The following KHDRBS2 variants were observed in gnomAD, a reference collection of about 807,000 sequenced individuals.
KHDRBS2 encodes KH domain-containing, RNA-binding, signal transduction-associated protein 2.
A neutral mutation model predicts 44.3 loss-of-function variants in KHDRBS2; 26 were observed. That is an observed-to-expected ratio of 0.59 (90% CI 0.43 to 0.81). The LOEUF (loss-of-function observed/expected upper bound fraction) is 0.81. Among genes scored for constraint, KHDRBS2 ranks in the 40% least tolerant of loss-of-function variants. The pLI is 0.00. For synonymous variants in KHDRBS2, 194 were observed against 151.1 expected, an observed-to-expected ratio of 1.28 and a Z score of -2.08; for missense variants, 476 against 433.1, an observed-to-expected ratio of 1.10 and a Z score of -0.88.
chr6:62,246,381 G>T (rs1480442999), intron 1 of KHDRBS2, among the ~76,000 whole-genome samples: 1 of 151,838 alleles, frequency 6.6e-6, no homozygotes, highest in East Asian at 1.9e-4. Context: ...TACTCTATAA[G>T]AAAAACATTC....
chr6:61,915,430 TA>T (rs1806816718), intron 4 of KHDRBS2, among the ~76,000 whole-genome samples: 1 of 152,042 alleles, frequency 6.6e-6, no homozygotes, highest in South Asian at 2.1e-4. Flanking sequence ...GGTGTCGCCA[TA>T]AGATCTTCTC....
At chr6:61,607,839 C>T in the KHDRBS2 span, among the ~76,000 whole-genome samples, 1 of 152,098 alleles carries the variant, frequency 6.6e-6, no homozygotes, top group Non-Finnish European at 1.5e-5. Flanking sequence ...AGCTGTGCAC[C>T]ACCACGCCTG....
intron 6 of KHDRBS2, among the ~76,000 whole-genome samples, chr6:61,870,663 G>T (rs1798531234): frequency 6.6e-6 from 1 of 152,144 alleles, no homozygotes; most frequent in Admixed American, 6.5e-5. Flanking sequence ...CTGGGACGAA[G>T]CTCCCAGAGG....
intron 2 of KHDRBS2, among the ~76,000 whole-genome samples, chr6:62,125,861 G>C (rs1808834813): frequency 6.6e-6 from 1 of 152,146 alleles, no homozygotes; most frequent in South Asian, 2.1e-4. Context: ...TATTCACCTT[G>C]GGCCTTGGGT....
chr6:61,848,491 GTATATATATATATATATA>G (rs1180750340), intron 6 of KHDRBS2, among the ~76,000 whole-genome samples: 1 of 30,482 alleles, frequency 3.3e-5, no homozygotes, highest in African/African-American at 1.6e-4. Flanking sequence ...ATATATATAT[GTATATATATATATATATA>G]TGTATATATG....
chr6:62,120,560 C>T (rs1306553973), intron 2 of KHDRBS2, among the ~76,000 whole-genome samples: 1 of 152,118 alleles, frequency 6.6e-6, no homozygotes, highest in Non-Finnish European at 1.5e-5. Flanking sequence ...CCGTAATGAA[C>T]AGAAGAGGCA....
At chr6:62,024,064 T>G (rs1444710814) in intron 3 of KHDRBS2, among the ~76,000 whole-genome samples, 1 of 151,274 alleles carries the variant, frequency 6.6e-6, no homozygotes, top group Non-Finnish European at 1.5e-5. Context: ...TAAATATGTA[T>G]ACAATAGGAG....
intron 3 of KHDRBS2, among the ~76,000 whole-genome samples, chr6:61,996,670 G>T (rs1777221863): frequency 6.6e-6 from 1 of 152,062 alleles, no homozygotes; most frequent in Non-Finnish European, 1.5e-5. Flanking sequence ...AAGCCCAATT[G>T]AACTTTTTAC....
At chr6:61,874,825 C>G (rs1799185119) in intron 6 of KHDRBS2, among the ~76,000 whole-genome samples, 1 of 152,088 alleles carries the variant, frequency 6.6e-6, no homozygotes, top group African/African-American at 2.4e-5. Flanking sequence ...GATGTAAAGT[C>G]CTCCTGGTAT....
At chr6:62,248,160 T>C (rs1248851721) in intron 1 of KHDRBS2, among the ~76,000 whole-genome samples, 1 of 151,906 alleles carries the variant, frequency 6.6e-6, no homozygotes, top group Admixed American at 6.6e-5. Context: ...ATTAAGGTTG[T>C]GAGTATTCTA....
At chr6:61,850,275 A>G (rs973267004) in intron 6 of KHDRBS2, among the ~76,000 whole-genome samples, 1 of 152,054 alleles carries the variant, frequency 6.6e-6, no homozygotes, top group Non-Finnish European at 1.5e-5. Context: ...CAGACTTTTA[A>G]TATATCTCAG....
intron 3 of KHDRBS2, among the ~76,000 whole-genome samples, chr6:62,030,634 G>A (rs534937128): frequency 3.9e-5 from 6 of 152,090 alleles, no homozygotes; most frequent in East Asian, 1.9e-4. Context: ...TGTTACTAAC[G>A]TCAAGTAAAC....
the KHDRBS2 span, among the ~76,000 whole-genome samples, chr6:61,568,227 G>A: frequency 1.3e-5 from 2 of 152,128 alleles, no homozygotes; most frequent in Non-Finnish European, 1.5e-5. Context: ...GTACTTTGTT[G>A]TTTTGGGTAC....
the KHDRBS2 span, among the ~76,000 whole-genome samples, chr6:61,550,988 G>A: frequency 6.6e-6 from 1 of 151,968 alleles, no homozygotes; most frequent in Admixed American, 6.6e-5. Context: ...TTCCCAGGCT[G>A]GTCTGGAACT....
intron 1 of KHDRBS2, among the ~76,000 whole-genome samples, chr6:62,270,206 T>C (rs934749386): frequency 2.0e-5 from 3 of 151,900 alleles, no homozygotes; most frequent in Non-Finnish European, 4.4e-5. Flanking sequence ...GTGCCTTTCC[T>C]ACAGTAAAGA....
intron 6 of KHDRBS2, among the ~76,000 whole-genome samples, chr6:61,857,034 A>T (rs1165441580): frequency 6.6e-6 from 1 of 152,140 alleles, no homozygotes; most frequent in African/African-American, 2.4e-5. Context: ...TTTTAAAAAA[A>T]GGATTCTTGT....
intron 8 of KHDRBS2, among the ~76,000 whole-genome samples, chr6:61,688,804 T>C (rs1468584591): frequency 6.6e-6 from 1 of 151,952 alleles, no homozygotes; most frequent in East Asian, 1.9e-4. Context: ...TTGTGAAAGA[T>C]CTTAGTTAGT....
chr6:62,272,307 T>C (rs1350923163), intron 1 of KHDRBS2, among the ~76,000 whole-genome samples: 1 of 152,170 alleles, frequency 6.6e-6, no homozygotes, highest in Non-Finnish European at 1.5e-5. Context: ...TTTCTCAGAA[T>C]AGATCTTTGG....
chr6:61,640,041 C>T, the KHDRBS2 span, among the ~76,000 whole-genome samples: 2 of 151,838 alleles, frequency 1.3e-5, no homozygotes, highest in East Asian at 1.9e-4. Flanking sequence ...TGGTGAAATG[C>T]GTAATGGATG....
Sources: gnomAD v4.1 joint callset for allele counts (sites outside exome capture counted in the v4.1 genomes callset) on GRCh38, gnomAD v4.1.1 for gene constraint, MANE v1.5 for transcripts, NCBI Gene and HGNC (gene_info 2026-07-23, HGNC 2026-07-21) for gene names.